Variants in IQCM observed in about 807,000 individuals in gnomAD.
The protein encoded by IQCM is IQ motif containing M.
IQCM carries 45 observed loss-of-function variants against 57.6 expected under a neutral mutation model. The ratio of observed to expected loss-of-function variants is 0.78; its 90% confidence interval spans 0.62 to 1.00. The LOEUF (loss-of-function observed/expected upper bound fraction) is 1.00, where lower values mean the gene tolerates loss of function less well. Among genes scored for constraint, IQCM ranks in the 50% least tolerant of loss-of-function variants. IQCM has a pLI of 0.00. For synonymous variants in IQCM, 148 were observed against 158.9 expected, an observed-to-expected ratio of 0.93 and a Z score of 0.51; for missense variants, 468 against 511.6, an observed-to-expected ratio of 0.91 and a Z score of 0.82.
intron 13 of IQCM, among the ~76,000 whole-genome samples, chr4:149,370,983 T>C (rs1730330670): frequency 1.3e-5 from 2 of 151,970 alleles, no homozygotes; most frequent in South Asian, 2.1e-4. Context: ...TCCCTTCTTA[T>C]ATGCGCATGA....
intron 2 of IQCM, among the ~76,000 whole-genome samples, chr4:149,783,699 A>C (rs1480172339): frequency 6.6e-6 from 1 of 152,174 alleles, no homozygotes; most frequent in Admixed American, 6.5e-5. Flanking sequence ...TTATCTCTAT[A>C]ATTACATTAT....
chr4:149,566,028 G>C (rs1160571831), intron 9 of IQCM, among the ~76,000 whole-genome samples: 1 of 152,122 alleles, frequency 6.6e-6, no homozygotes, highest in Non-Finnish European at 1.5e-5. Context: ...ACAAAGTTTT[G>C]TATTTGTTTG....
intron 13 of IQCM, among the ~76,000 whole-genome samples, chr4:149,385,751 T>G (rs1731380458): frequency 6.6e-6 from 1 of 152,140 alleles, no homozygotes; most frequent in Admixed American, 6.6e-5. Context: ...CTGTTAATTT[T>G]ACCCCCAAAA....
chr4:149,793,705 C>G (rs1241780325), intron 2 of IQCM: 1 of 151,884 alleles, frequency 6.6e-6, no homozygotes, highest in African/African-American at 2.4e-5. Flanking sequence ...AGCATTCAGT[C>G]CATGATAGAA....
At position 149,740,926 on chromosome 4, in the gene IQCM, T is replaced by A. The variant is rs574294777; in HGVS notation, c.37+1729A>T. On this transcript the variant is annotated intron_variant, in intron 3 of 13. Transcript: ENST00000636793. ...AGCTGAAGAGGAGAGAAGCTGGAAT[T>A]AAGGCCATCAGTTCTAGGGTAAAGA... 2.0e-5 allele frequency among the ~76,000 whole-genome samples: 3 copies of A among 152,212 alleles called. No homozygotes were observed. The South Asian group carries it at 6.2e-4, about 32-fold the overall frequency.
intron 5 of IQCM, among the ~76,000 whole-genome samples, chr4:149,727,309 G>A (rs1328104960): frequency 2.6e-5 from 4 of 152,000 alleles, no homozygotes; most frequent in African/African-American, 4.8e-5. Flanking sequence ...CATTTAAAAC[G>A]CATCTCTCTA....
chr4:149,610,508 T>C (rs1011885428), intron 8 of IQCM, among the ~76,000 whole-genome samples: 3 of 152,154 alleles, frequency 2.0e-5, no homozygotes, highest in South Asian at 4.1e-4. Context: ...AACAGCCTGA[T>C]AGTGGCATAA....
At chr4:149,726,119 GAAAGAAAGAAA>G (rs1561203831) in intron 5 of IQCM, among the ~76,000 whole-genome samples, 13 of 147,534 alleles carry the variant, frequency 8.8e-5, no homozygotes, top group Non-Finnish European at 1.5e-4. Context: ...AAGAAAGAAA[GAAAGAAAGAAA>G]GAAAGAAAGA....
intron 7 of IQCM, among the ~76,000 whole-genome samples, chr4:149,651,330 T>C (rs1224747433): frequency 6.6e-6 from 1 of 152,096 alleles, no homozygotes; most frequent in Non-Finnish European, 1.5e-5. Flanking sequence ...TCACAGATAA[T>C]TCATATTTTT....
chr4:149,391,313 C>T (rs1731837657), intron 13 of IQCM, among the ~76,000 whole-genome samples: 1 of 151,724 alleles, frequency 6.6e-6, no homozygotes, highest in South Asian at 2.1e-4. Flanking sequence ...TTTTATTATT[C>T]TTGCATCTAT....
At chr4:149,716,041 C>T (rs917137204) in intron 5 of IQCM, among the ~76,000 whole-genome samples, 2 of 152,192 alleles carry the variant, frequency 1.3e-5, no homozygotes, top group Admixed American at 6.5e-5. Flanking sequence ...GCAGCCCAGC[C>T]CCAGGCTTCA....
At chr4:149,598,098 G>A (rs1179030521) in intron 8 of IQCM, among the ~76,000 whole-genome samples, 4 of 152,122 alleles carry the variant, frequency 2.6e-5, no homozygotes, top group Non-Finnish European at 5.9e-5. Context: ...ATCAATTGAA[G>A]TATTTTGCCA....
chr4:149,619,760 C>A (rs1438598184), intron 8 of IQCM, among the ~76,000 whole-genome samples: 1 of 152,152 alleles, frequency 6.6e-6, no homozygotes, highest in African/African-American at 2.4e-5. Flanking sequence ...TCCACTGTAA[C>A]TTGATTTGGA....
chr4:149,724,873 A>C (rs1219691234), intron 5 of IQCM, among the ~76,000 whole-genome samples: 3 of 152,046 alleles, frequency 2.0e-5, no homozygotes, highest in Non-Finnish European at 4.4e-5. Flanking sequence ...TTGATTTTAC[A>C]TGAAATTTCT....
chr4:149,779,887 CTAAT>C (rs1201859250), intron 2 of IQCM, among the ~76,000 whole-genome samples: 1 of 152,076 alleles, frequency 6.6e-6, no homozygotes, highest in African/African-American at 2.4e-5. Flanking sequence ...GTTTGTGCAA[CTAAT>C]TAAATTTTTA....
At chr4:149,582,320 A>T (rs189662908) in intron 9 of IQCM, among the ~76,000 whole-genome samples, 3 of 5,512 alleles carry the variant, frequency 5.4e-4, no homozygotes, top group Non-Finnish European at 7.3e-4. Flanking sequence ...ATATATATAT[A>T]TATATATATA....
chr4:149,687,210 T>C (rs1486979099), intron 5 of IQCM, among the ~76,000 whole-genome samples: 1 of 151,538 alleles, frequency 6.6e-6, no homozygotes, highest in Non-Finnish European at 1.5e-5. Flanking sequence ...GATCTCAATG[T>C]CATCAAAAAG....
intron 7 of IQCM, among the ~76,000 whole-genome samples, chr4:149,651,862 A>T (rs1759211630): frequency 6.6e-6 from 1 of 152,100 alleles, no homozygotes; most frequent in South Asian, 2.1e-4. Flanking sequence ...GGGAGTGTAA[A>T]TTAGTTCAAC....
chr4:149,389,689 C>A (rs1731703883), intron 13 of IQCM, among the ~76,000 whole-genome samples: 2 of 138,996 alleles, frequency 1.4e-5, no homozygotes, highest in South Asian at 4.5e-4. Context: ...AGGGGAACAT[C>A]ACACTCTGGG....
Sources: allele counts gnomAD v4.1 joint callset (sites outside exome capture counted in the v4.1 genomes callset), GRCh38; gene constraint gnomAD v4.1.1; transcripts MANE v1.5; gene names NCBI Gene and HGNC (gene_info 2026-07-23, HGNC 2026-07-21).